Variants in PLIN5 observed in about 807,000 individuals in gnomAD.
PLIN5 encodes the protein perilipin-5.
In PLIN5, 34 loss-of-function variants were observed where a neutral mutation model predicts 32.8. That is an observed-to-expected ratio of 1.04 (90% confidence interval 0.79 to 1.38). PLIN5 has a LOEUF of 1.38. Among genes scored for constraint, PLIN5 ranks in the 40% most tolerant of loss-of-function variants. PLIN5 has a pLI of 0.00. For synonymous variants in PLIN5, 309 were observed against 292.9 expected (o/e 1.05, Z -0.56); for missense variants, 712 against 660.5 (o/e 1.08, Z -0.85).
At chr19:4,528,967 G>T in intron 5 of PLIN5, 106 bp downstream of exon 5, 1 of 1,229,514 alleles carries the variant, frequency 8.1e-7, no homozygotes, top group Non-Finnish European at 1.1e-6. Flanking sequence ...GTTTCCTGCT[G>T]ATCTGCTGTG....
chr19:4,534,879 C>A (rs1976927696), intron 1 of PLIN5, among the ~76,000 whole-genome samples: 1 of 152,204 alleles, frequency 6.6e-6, no homozygotes, highest in South Asian at 2.1e-4. Flanking sequence ...CAGGTCCATG[C>A]TGGTCCCAAG....
At chr19:4,527,428 G>C (rs376981491) in intron 5 of PLIN5, among the ~76,000 whole-genome samples, 1 of 147,418 alleles carries the variant, frequency 6.8e-6, no homozygotes, top group Non-Finnish European at 1.5e-5. Flanking sequence ...AGTTCCATTT[G>C]TCTAGGAGGA....
chr19:4,529,426 G>T, intron 4 of PLIN5, 173 bp from the exon 5 acceptor site: 1 of 665,744 alleles, frequency 1.5e-6, no homozygotes, highest in Non-Finnish European at 2.5e-6. Context: ...GGTGTTGAGG[G>T]AGTTAACTGC....
chr19:4,529,585 C>G (rs1182249991), intron 4 of PLIN5, 199 bp downstream of exon 4: 2 of 509,428 alleles, frequency 3.9e-6, no homozygotes, highest in African/African-American at 4.3e-5. Context: ...TACATATATA[C>G]ACTATACGTA....
chr19:4,532,174 A>G (rs1976894699), intron 2 of PLIN5, among the ~76,000 whole-genome samples: 1 of 151,808 alleles, frequency 6.6e-6, no homozygotes, highest in Non-Finnish European at 1.5e-5. Flanking sequence ...AGCTGGGATT[A>G]CAGGTGCCCG....
chr19:4,529,098 G>A lies in PLIN5; in HGVS notation c.495C>T (p.Phe165=). The change falls in exon 5 of 8, where the codon TTC becomes TTT. Residue 165 remains phenylalanine (F), a synonymous_variant. Coordinates refer to ENST00000381848, the MANE Select transcript of PLIN5 (RefSeq NM_001013706.3). ...LEKSEELVDH[F]LPMTEEELAA... is the part of the protein sequence containing the mutation. ...CGAGCTCTTCCTCCGTCATGGGCAG[G>A]AAGTGATCCACCAGCTCCTCTGATT... 6.2e-7 allele frequency: 1 copy of A among 1,613,360 alleles called. No homozygotes were observed. The highest frequency in any genetic ancestry group is 2.2e-5 in the East Asian group (1 of 44,880).
intron 2 of PLIN5, 64 bp downstream of exon 2, chr19:4,533,951 T>C: frequency 1.3e-6 from 2 of 1,555,380 alleles, no homozygotes; most frequent in Non-Finnish European, 1.8e-6. Context: ...CCTGAAACGC[T>C]CCTAGAAGGG....
rs1599761250 is a variant in PLIN5, at chr19:4,525,485, C to T, written c.720+148G>A. On this transcript the variant is annotated intron_variant, in intron 6 of 7. Coordinates refer to ENST00000381848, the MANE Select transcript of PLIN5 (RefSeq NM_001013706.3). This position sits in a 1 kb window ranked among gnomAD's most constrained non-coding sequence, Gnocchi z 5.6. ...TCCCTGGGCTCCTCCAGGCCCGGGT[C>T]CCCCAGCCCTGAACACATGCAGCTG... is the stretch of plus-strand genomic sequence containing the variant. 2.1e-6 allele frequency: 2 copies of T among 964,642 alleles called. No individual in the cohort carries two copies. The highest frequency in any genetic ancestry group is 5.3e-5 in the East Asian group (2 of 37,792). The allele number at this position is 964,642 out of a possible 1,614,324, so 59.8% of individuals were successfully genotyped here.
At chr19:4,529,683 T>C (rs774584132) in intron 4 of PLIN5, 101 bp downstream of exon 4, 2 of 930,492 alleles carry the variant, frequency 2.1e-6, no homozygotes, top group East Asian at 5.0e-5. Context: ...TGTTTTTTCT[T>C]GAGTTAACTA....
At position 4,531,649 on chromosome 19, in the gene PLIN5, C is replaced by G. The variant is rs1976885853; in HGVS notation, c.234G>C (p.Leu78=). 6.5e-7 allele frequency: 1 copy of G among 1,529,044 alleles called. No individual in the cohort carries two copies. Among genetic ancestry groups the G allele is most frequent in the South Asian group, 1.2e-5 (1 of 82,460 alleles). The allele number at this position is 1,529,044 out of a possible 1,614,324, so 94.7% of individuals were successfully genotyped here. ...CACGCTGGGGCTGCAGGTGCTCGAG[C>G]AGCGGCTGGGCGTGGTCCAGGGCAC... The part of the protein sequence containing the change: ...TTRALDHAQP[L]LEHLQPQLAT... The change falls in exon 3 of 8, where the codon CTG becomes CTC. Residue 78 remains leucine (L), a synonymous_variant. Coordinates refer to ENST00000381848, the MANE Select transcript of PLIN5 (RefSeq NM_001013706.3).
chr19:4,529,561 C>CA lies in PLIN5; in HGVS notation c.339+222_339+223insT, dbSNP rs112795359. The CA allele has an allele frequency of 1.8e-3, 852 of 482,942 alleles. 3 individuals carry two copies. The African/African-American group carries it at 0.02, about 11-fold the overall frequency. The allele number at this position is 482,942 out of a possible 1,614,324, so 29.9% of individuals were successfully genotyped here. On this transcript the variant is annotated intron_variant, in intron 4 of 7. Transcript: ENST00000381848. ...ACTTATACGTATATATACATATATA[C>CA]TTATACGTATATATACATATATACA...
rs1436906832 is a variant in PLIN5 at position 4,523,429 on chromosome 19, G to A, written c.*99C>T. ...GAGTTGGGCCTGATTCCAAAGAAGG[G>A]TCAAGGCCAAGGCCTCGAGCTTACG... On this transcript the variant is annotated 3_prime_UTR_variant, in exon 8 of 8. Transcript: ENST00000381848. This position sits in a 1 kb window ranked among gnomAD's most constrained non-coding sequence, Gnocchi z 5.0. 2 of 1,356,258 alleles carry A rather than the reference G, an allele frequency of 1.5e-6. No individual in the cohort carries two copies. Among genetic ancestry groups the A allele is most frequent in the Non-Finnish European group, 2.0e-6 (2 of 1,008,866 alleles). The allele number at this position is 1,356,258 out of a possible 1,614,324, so 84.0% of individuals were successfully genotyped here.
chr19:4,526,378 C>T (rs190078023), intron 5 of PLIN5, among the ~76,000 whole-genome samples: 1 of 152,216 alleles, frequency 6.6e-6, no homozygotes, highest in East Asian at 1.9e-4. Flanking sequence ...TGCACCACCA[C>T]ACCCGATTAA....
Position 4,523,879 on chromosome 19 carries a change from G to T in PLIN5, c.1041C>A (p.Gly347=). ...CGTGCGCGTGGGCCACGCGACCCCG[G>T]CCCTCGGCCAGCGCGGCCGCTGGCA... ...RDVPAAALAE[G]RGRVAHAHAC... Residue 347 remains glycine (G), a synonymous_variant, in exon 8 of 8, where the codon GGC becomes GGA. Coordinates refer to ENST00000381848, the MANE Select transcript of PLIN5 (RefSeq NM_001013706.3). This position sits in a 1 kb window ranked among gnomAD's most constrained non-coding sequence, Gnocchi z 5.0. 1 of 1,519,826 alleles carries T rather than the reference G, an allele frequency of 6.6e-7. No homozygotes were observed. The highest frequency in any genetic ancestry group is 2.5e-5 in the East Asian group (1 of 40,338). The allele number at this position is 1,519,826 out of a possible 1,614,324, so 94.1% of individuals were successfully genotyped here.
In PLIN5 at chr19:4,531,642, G is replaced by C; in HGVS notation, c.241C>G (p.His81Asp). The C allele has an allele frequency of 1.3e-6, 2 of 1,525,746 alleles. No homozygotes were observed. Among genetic ancestry groups the C allele is most frequent in the Non-Finnish European group, 1.8e-6 (2 of 1,138,566 alleles). 94.5% of individuals were successfully genotyped at this position (1,525,746 alleles called of 1,614,324 possible). The part of the protein sequence containing the change: ...ALDHAQPLLE[H>D]LQPQLATMNS... ...GGGCACTCACGCTGGGGCTGCAGGT[G>C]CTCGAGCAGCGGCTGGGCGTGGTCC... is the stretch of plus-strand genomic sequence containing the variant. Residue 81 changes from histidine to aspartate, a missense_variant, in exon 3 of 8, where the codon CAC (histidine) becomes GAC (aspartate). Physicochemically the swap from His to Asp is moderately conservative, Grantham distance 81. Transcript: ENST00000381848.
intron 7 of PLIN5, 65 bp downstream of exon 7, chr19:4,524,898 G>T: frequency 2.9e-6 from 4 of 1,383,076 alleles, no homozygotes; most frequent in Non-Finnish European, 3.9e-6. Context: ...GCAGTCCGTC[G>T]CTCCCCCTCT....
At position 4,523,963 on chromosome 19, in the gene PLIN5, C is replaced by T. The variant is rs1331807511; in HGVS notation, c.957G>A (p.Val319=). 2 of 1,527,716 alleles carry T rather than the reference C, an allele frequency of 1.3e-6. No homozygotes were observed. The highest frequency in any genetic ancestry group is 1.7e-6 in the Non-Finnish European group (2 of 1,144,566). 94.6% of individuals were successfully genotyped at this position (1,527,716 alleles called of 1,614,324 possible). A position where few individuals can be genotyped will look rare whatever the true frequency, so the allele number is the denominator to read the frequency against. ...PAGAQEKVAE[V]RRSVDALQTA... ...TCTGCAGGGCATCCACACTGCGCCGCACCTCAGCCACCTTCTCCTGGGCGC... is the reference window on the plus strand; with the variant it reads ...TCTGCAGGGCATCCACACTGCGCCGTACCTCAGCCACCTTCTCCTGGGCGC... Residue 319 remains valine (V), a synonymous_variant, in exon 8 of 8, where the codon GTG becomes GTA. Transcript: ENST00000381848. The surrounding 1 kb of genome is among the most constrained non-coding windows in gnomAD (Gnocchi z 5.0).
chr19:4,534,333 G>GTC (rs1321993509), intron 1 of PLIN5: 4 of 528,172 alleles, frequency 7.6e-6, no homozygotes, highest in Non-Finnish European at 1.0e-5. Flanking sequence ...GGTCTCTGAG[G>GTC]TGAGAAAGAC....
At chr19:4,533,805 G>A (rs1976915208) in intron 2 of PLIN5, 1 of 603,502 alleles carries the variant, frequency 1.7e-6, no homozygotes, top group East Asian at 2.8e-5. Context: ...GAAGCCAGCT[G>A]GGTGTCTTTG....
Sources: allele counts gnomAD v4.1 joint callset (sites outside exome capture counted in the v4.1 genomes callset), GRCh38; gene constraint gnomAD v4.1.1; non-coding constraint Gnocchi (gnomAD v3.1); transcripts MANE v1.5; gene names NCBI Gene and HGNC (gene_info 2026-07-23, HGNC 2026-07-21).